The following KCNB2 variants were observed in gnomAD, a reference collection of about 807,000 sequenced individuals.
KCNB2 encodes the protein potassium voltage-gated channel subfamily B member 2, also known as delayed rectifier potassium channel protein.
A neutral mutation model predicts 61.5 loss-of-function variants in KCNB2; 15 were observed. The ratio of observed to expected loss-of-function variants is 0.24; its 90% CI spans 0.16 to 0.38. The LOEUF is 0.38. Among genes scored for constraint, KCNB2 ranks in the 10% least tolerant of loss-of-function variants. The pLI is 1.00. For missense variants in KCNB2, 828 were observed against 1,125.2 expected (o/e 0.74, Z 3.78); for synonymous variants, 457 against 446.0 (o/e 1.02, Z -0.31).
chr8:72,653,781 T>C (rs1440369), intron 2 of KCNB2, among the ~76,000 whole-genome samples: 59,446 of 152,118 alleles, frequency 0.39, 13,834 homozygotes, highest in Non-Finnish European at 0.52. Flanking sequence ...AGCTGGCACT[T>C]TACAGAAAAC....
intron 2 of KCNB2, among the ~76,000 whole-genome samples, chr8:72,883,735 A>G (rs1221639495): frequency 1.3e-5 from 2 of 152,162 alleles, no homozygotes; most frequent in Non-Finnish European, 2.9e-5. Flanking sequence ...TTTTAAATAT[A>G]CTTTTTAGAT....
At chr8:72,809,458 C>T (rs1274532089) in intron 2 of KCNB2, among the ~76,000 whole-genome samples, 1 of 152,190 alleles carries the variant, frequency 6.6e-6, no homozygotes, top group African/African-American at 2.4e-5. Context: ...TACAGCTCTT[C>T]TCCCTGGAAC....
intron 1 of KCNB2, among the ~76,000 whole-genome samples, chr8:72,541,274 A>T (rs1563517754): frequency 6.6e-6 from 1 of 152,012 alleles, no homozygotes; most frequent in Admixed American, 6.6e-5. Context: ...TATATAAAAT[A>T]AAGTTATTAT....
intron 2 of KCNB2, among the ~76,000 whole-genome samples, chr8:72,650,858 G>A (rs892385556): frequency 1.3e-5 from 2 of 152,110 alleles, no homozygotes; most frequent in Non-Finnish European, 2.9e-5. Flanking sequence ...TGTTGATAGA[G>A]GTCCCCCTCC....
At chr8:72,868,708 C>T (rs186070899) in intron 2 of KCNB2, among the ~76,000 whole-genome samples, 195 of 152,240 alleles carry the variant, frequency 1.3e-3, no homozygotes, top group African/African-American at 4.5e-3. Context: ...ACCTTAGTTG[C>T]CTGAGTTATA....
chr8:72,583,948 C>CAAAAAAAAAAAAAAAAAAAAA (rs71566823), intron 2 of KCNB2, among the ~76,000 whole-genome samples: 2 of 100,846 alleles, frequency 2.0e-5, no homozygotes, highest in Non-Finnish European at 2.0e-5. Context: ...AATAGAATAT[C>CAAAAAAAAAAAAAAAAAAAAA]AAAAAAAAAA....
chr8:72,625,547 C>T (rs185463590), intron 2 of KCNB2, among the ~76,000 whole-genome samples: 2 of 152,250 alleles, frequency 1.3e-5, no homozygotes, highest in African/African-American at 4.8e-5. Context: ...CCTCCCACCT[C>T]AGCCTCCTAA....
chr8:72,897,154 C>T (rs890663266), intron 2 of KCNB2, among the ~76,000 whole-genome samples: 2 of 152,014 alleles, frequency 1.3e-5, no homozygotes, highest in African/African-American at 4.8e-5. Flanking sequence ...ACTGAGACCA[C>T]ACCTTATTAA....
At chr8:72,805,158 G>A (rs917463223) in intron 2 of KCNB2, among the ~76,000 whole-genome samples, 10 of 152,120 alleles carry the variant, frequency 6.6e-5, no homozygotes, top group African/African-American at 1.9e-4. Context: ...GCTCAGAGCC[G>A]TGCCTCACAC....
chr8:72,751,811 TGAACAC>T (rs1808194442), intron 2 of KCNB2: 1 of 152,066 alleles, frequency 6.6e-6, no homozygotes, highest in Non-Finnish European at 1.5e-5. Context: ...TGTACACACA[TGAACAC>T]ATATACACAT....
intron 1 of KCNB2, among the ~76,000 whole-genome samples, chr8:72,566,478 T>G (rs1211468758): frequency 6.6e-6 from 1 of 151,756 alleles, no homozygotes; most frequent in African/African-American, 2.4e-5. Flanking sequence ...GGCCAGCGGA[T>G]TGCTTAAGCT....
chr8:72,793,923 A>G (rs1808984679), intron 2 of KCNB2, among the ~76,000 whole-genome samples: 2 of 152,218 alleles, frequency 1.3e-5, no homozygotes. Flanking sequence ...GGTGTTCCCC[A>G]TGTGCAGAAA....
intron 1 of KCNB2, among the ~76,000 whole-genome samples, chr8:72,558,371 A>G (rs1806460236): frequency 1.3e-5 from 2 of 151,882 alleles, no homozygotes; most frequent in African/African-American, 4.8e-5. Flanking sequence ...CTAATTGAAT[A>G]GTTATAATGA....
chr8:72,633,860 C>T (rs1480348122), intron 2 of KCNB2, among the ~76,000 whole-genome samples: 1 of 152,110 alleles, frequency 6.6e-6, no homozygotes, highest in Admixed American at 6.6e-5. Context: ...ACGTACCCTG[C>T]TAGAGTTGGG....
chr8:72,716,644 G>A (rs1358375821), intron 2 of KCNB2, among the ~76,000 whole-genome samples: 1 of 152,088 alleles, frequency 6.6e-6, no homozygotes, highest in Non-Finnish European at 1.5e-5. Context: ...AATAAATTAG[G>A]TATTGATGGG....
chr8:72,790,025 C>A (rs930015940), intron 2 of KCNB2, among the ~76,000 whole-genome samples: 2 of 152,042 alleles, frequency 1.3e-5, no homozygotes, highest in Non-Finnish European at 2.9e-5. Context: ...ATATGATGCT[C>A]AGAAGCAATA....
At chr8:72,552,750 T>C (rs1806364321) in intron 1 of KCNB2, among the ~76,000 whole-genome samples, 2 of 152,206 alleles carry the variant, frequency 1.3e-5, no homozygotes, top group Admixed American at 1.3e-4. Context: ...CTGTTCTTTA[T>C]TGAGGGCATT....
chr8:72,682,427 A>T (rs1342808934), intron 2 of KCNB2, among the ~76,000 whole-genome samples: 1 of 152,102 alleles, frequency 6.6e-6, no homozygotes, highest in Non-Finnish European at 1.5e-5. Flanking sequence ...TAATATCATT[A>T]TGTTCACCCA....
intron 2 of KCNB2, among the ~76,000 whole-genome samples, chr8:72,706,861 C>A (rs1462914510): frequency 6.6e-6 from 1 of 152,222 alleles, no homozygotes; most frequent in Non-Finnish European, 1.5e-5. Flanking sequence ...AACCTACCCA[C>A]AGTCCCAGTC....
Sources: gnomAD v4.1 joint callset for allele counts (sites outside exome capture counted in the v4.1 genomes callset) on GRCh38, gnomAD v4.1.1 for gene constraint, MANE v1.5 for transcripts, NCBI Gene and HGNC (gene_info 2026-07-23, HGNC 2026-07-21) for gene names.